Variants in DNAJC3 observed in about 807,000 individuals in gnomAD.
The protein encoded by DNAJC3 is DnaJ heat shock protein family (Hsp40) member C3.
DNAJC3 carries 38 observed loss-of-function variants against 68.6 expected under a neutral mutation model. The observed-to-expected ratio is 0.55, with a 90% CI of 0.43 to 0.73. DNAJC3 has a LOEUF of 0.73. DNAJC3 is among the 30% of genes least tolerant of loss of function. The pLI is 0.00. For missense variants in DNAJC3, 526 were observed against 591.9 expected (o/e 0.89, Z 1.16); for synonymous variants, 203 against 204.0 (o/e 1.00, Z 0.04).
intron 1 of DNAJC3, among the ~76,000 whole-genome samples, chr13:95,697,603 GT>G (rs1404068384): frequency 6.6e-6 from 1 of 151,918 alleles, no homozygotes; most frequent in Non-Finnish European, 1.5e-5. Context: ...CCTCAAATAT[GT>G]TTTTTTAAAA....
intron 4 of DNAJC3, among the ~76,000 whole-genome samples, chr13:95,726,217 A>G (rs1330846401): frequency 6.6e-6 from 1 of 152,094 alleles, no homozygotes; most frequent in African/African-American, 2.4e-5. Flanking sequence ...GTCAAATGGT[A>G]TTTCTAGTTC....
intron 9 of DNAJC3, among the ~76,000 whole-genome samples, chr13:95,774,178 T>G (rs1024047990): frequency 2.6e-5 from 4 of 152,354 alleles, no homozygotes; most frequent in Middle Eastern, 3.4e-3. Context: ...GTCATTGATT[T>G]TAGGCCTTTC....
intron 4 of DNAJC3, among the ~76,000 whole-genome samples, chr13:95,734,232 T>C (rs985886015): frequency 6.6e-6 from 1 of 152,200 alleles, no homozygotes; most frequent in African/African-American, 2.4e-5. Flanking sequence ...CTAGTGGTGA[T>C]GAACCTGTCT....
intron 1 of DNAJC3, chr13:95,693,185 G>T (rs914637323): frequency 1.3e-5 from 2 of 152,164 alleles, no homozygotes; most frequent in Non-Finnish European, 2.9e-5. Context: ...CAACCTCAAC[G>T]ATGAACAAGA....
rs147205852 is a variant in DNAJC3 at position 95,717,604 on chromosome 13, C to T, written c.194-5638C>T. ...ATCTCGAATTGTAGCTCCCATAATT[C>T]CCACATGTTGTTGGAGGGAACTGGT... On this transcript the variant is annotated intron_variant, in intron 2 of 11. Transcript: ENST00000602402. Among the ~76,000 whole-genome samples, 1,237 of 152,242 alleles carry T rather than the reference C, an allele frequency of 8.1e-3. 12 individuals are homozygous for T. The highest frequency in any genetic ancestry group is 0.014 in the Non-Finnish European group (926 of 68,018).
intron 2 of DNAJC3, among the ~76,000 whole-genome samples, chr13:95,715,659 T>G (rs1482743879): frequency 6.6e-6 from 1 of 151,530 alleles, no homozygotes; most frequent in Non-Finnish European, 1.5e-5. Flanking sequence ...AGCTAATTTT[T>G]GTATTTTTAG....
At position 95,760,067 on chromosome 13, in the gene DNAJC3, G is replaced by C; in HGVS notation, c.574G>C (p.Glu192Gln). 1 of 1,605,836 alleles carries C rather than the reference G, an allele frequency of 6.2e-7. No individual in the cohort carries two copies. The highest frequency in any genetic ancestry group is 8.5e-7 in the Non-Finnish European group (1 of 1,175,644). ...TTGTGTTTGGGATGCAGAACTACGG[G>C]AACTTCGAGCTGAATGTTTTATAAA... ...EVCVWDAELR[E>Q]LRAECFIKEG... Residue 192 changes from glutamate to glutamine, a missense_variant, in exon 6 of 12, where the codon GAA (glutamate) becomes CAA (glutamine). By Grantham distance (29) the Glu-to-Gln change is conservative. Transcript: ENST00000602402.
chr13:95,700,732 C>G (rs905001976), intron 1 of DNAJC3, among the ~76,000 whole-genome samples: 1 of 152,122 alleles, frequency 6.6e-6, no homozygotes, highest in African/African-American at 2.4e-5. Context: ...TGTACTTGAC[C>G]TCCATATCTA....
chr13:95,680,461 G>A (rs1311763163), intron 1 of DNAJC3, among the ~76,000 whole-genome samples: 1 of 152,088 alleles, frequency 6.6e-6, no homozygotes, highest in Admixed American at 6.5e-5. Flanking sequence ...GGATTTTCTT[G>A]ACATTATCTA....
chr13:95,761,351 T>A (rs1212554399), intron 7 of DNAJC3, among the ~76,000 whole-genome samples: 2 of 152,064 alleles, frequency 1.3e-5, no homozygotes, highest in Admixed American at 6.6e-5. Flanking sequence ...TGTGTCTGTG[T>A]GAGTGTTGTT....
At chr13:95,733,005 C>A (rs534613960) in intron 4 of DNAJC3, among the ~76,000 whole-genome samples, 10 of 152,228 alleles carry the variant, frequency 6.6e-5, no homozygotes, top group African/African-American at 2.4e-4. Flanking sequence ...AAAGTACTTA[C>A]ATGATTTTGA....
rs2139702923 is a variant in DNAJC3 at position 95,791,074 on chromosome 13, A to G, written c.*44A>G. 1 of 1,596,698 alleles carries G rather than the reference A, an allele frequency of 6.3e-7. No individual in the cohort carries two copies. Among genetic ancestry groups the G allele is most frequent in the East Asian group, 2.2e-5 (1 of 44,790 alleles). On this transcript the variant is annotated 3_prime_UTR_variant, in exon 12 of 12. Coordinates refer to ENST00000602402, the MANE Select transcript of DNAJC3 (RefSeq NM_006260.5). ...CTTCTTAATTTTTTTAAAGATTAAAAACAAAGAAATCTTGTTCCGGGACCC... is the reference window on the plus strand; with the variant it reads ...CTTCTTAATTTTTTTAAAGATTAAAGACAAAGAAATCTTGTTCCGGGACCC...
At chr13:95,685,801 T>C (rs1339646087) in intron 1 of DNAJC3, among the ~76,000 whole-genome samples, 1 of 152,134 alleles carries the variant, frequency 6.6e-6, no homozygotes, top group African/African-American at 2.4e-5. Context: ...ATCTATTTTT[T>C]TTTAAGCTTT....
intron 4 of DNAJC3, among the ~76,000 whole-genome samples, chr13:95,734,297 G>T (rs1286737243): frequency 6.6e-6 from 1 of 152,190 alleles, no homozygotes; most frequent in Non-Finnish European, 1.5e-5. Flanking sequence ...GCTGGGTGTA[G>T]TATTGTTGGT....
chr13:95,684,944 G>A (rs1880030997), intron 1 of DNAJC3, among the ~76,000 whole-genome samples: 1 of 152,276 alleles, frequency 6.6e-6, no homozygotes, highest in South Asian at 2.1e-4. Context: ...TGTTCAGGCA[G>A]AAGGTTGCTG....
intron 4 of DNAJC3, chr13:95,744,674 T>C (rs747235256): frequency 1.3e-5 from 2 of 152,200 alleles, no homozygotes; most frequent in Admixed American, 1.3e-4. Flanking sequence ...GGTCATGGAA[T>C]TGGAATGCTG....
At chr13:95,731,672 CT>C (rs1371580415) in intron 4 of DNAJC3, among the ~76,000 whole-genome samples, 1 of 152,012 alleles carries the variant, frequency 6.6e-6, no homozygotes, top group Non-Finnish European at 1.5e-5. Flanking sequence ...CTTATGTTTT[CT>C]GGTTTTGTTT....
At position 95,725,204 on chromosome 13, in the gene DNAJC3, A is replaced by G; in HGVS notation, c.345A>G (p.Leu115=). ...CAAGATTACAGAGAGGTCACTTATT[A>G]CTCAAACAAGGAAAACTTGATGAAG... ...TAARLQRGHL[L]LKQGKLDEAE... The change falls in exon 4 of 12, where the codon TTA becomes TTG. Residue 115 remains leucine, a synonymous_variant. Transcript: ENST00000602402. The G allele has an allele frequency of 6.3e-7, 1 of 1,593,582 alleles. No individual in the cohort carries two copies. Among genetic ancestry groups the G allele is most frequent in the Non-Finnish European group, 8.5e-7 (1 of 1,171,984 alleles).
chr13:95,729,202 T>TC (rs1555325564), intron 4 of DNAJC3, among the ~76,000 whole-genome samples: 8 of 144,788 alleles, frequency 5.5e-5, no homozygotes, highest in African/African-American at 1.8e-4. Context: ...TCTCTCTCTC[T>TC]TTCTCTCTCT....
Sources: gnomAD v4.1 joint callset for allele counts (sites outside exome capture counted in the v4.1 genomes callset) on GRCh38, gnomAD v4.1.1 for gene constraint, MANE v1.5 for transcripts, NCBI Gene and HGNC (gene_info 2026-07-23, HGNC 2026-07-21) for gene names.